The following TBK1 variants were observed in gnomAD, a reference collection of about 807,000 sequenced individuals.
The protein encoded by TBK1 is TANK binding kinase 1.
A neutral mutation model predicts 99.9 loss-of-function variants in TBK1; 37 were observed. The ratio of observed to expected loss-of-function variants is 0.37; its 90% CI spans 0.28 to 0.49. The LOEUF is 0.49. Ranked by LOEUF, TBK1 falls within the 20% of genes least tolerant of loss-of-function variation. The pLI is 0.98. For synonymous variants in TBK1, 258 were observed against 279.8 expected (o/e 0.92, Z 0.78); for missense variants, 644 against 872.5 (o/e 0.74, Z 3.30).
chr12:64,477,120 C>G (rs975081233), intron 6 of TBK1, among the ~76,000 whole-genome samples: 5 of 152,096 alleles, frequency 3.3e-5, no homozygotes, highest in African/African-American at 1.2e-4. Context: ...CAGCTTTGTT[C>G]TTTTTGCTTA....
chr12:64,477,432 G>A (rs2040725148), intron 6 of TBK1, among the ~76,000 whole-genome samples: 1 of 152,154 alleles, frequency 6.6e-6, no homozygotes, highest in African/African-American at 2.4e-5. Flanking sequence ...TGGTAAATGG[G>A]ATTGCGTTCT....
At position 64,498,052 on chromosome 12, in the gene TBK1, A is replaced by G; in HGVS notation, c.2138+13A>G. On this transcript the variant is annotated intron_variant, in intron 20 of 20. Coordinates refer to ENST00000331710, the MANE Select transcript of TBK1 (RefSeq NM_013254.4). ...ACATTTTAGAAAGGTGAGTAATGCA[A>G]AAATAATTACTGTGATTTTCTGTGC... 6.3e-7 allele frequency: 1 copy of G among 1,594,848 alleles called. No individual in the cohort carries two copies. The highest frequency in any genetic ancestry group is 8.5e-7 in the Non-Finnish European group (1 of 1,170,032).
chr12:64,499,034 A>ATTTT (rs1353026209), intron 20 of TBK1, among the ~76,000 whole-genome samples: 2 of 60,516 alleles, frequency 3.3e-5, no homozygotes, highest in Non-Finnish European at 3.2e-5. Context: ...TACTAATTTT[A>ATTTT]TTCTTTTTTT....
chr12:64,482,729 G>C (rs1464886736), intron 8 of TBK1, among the ~76,000 whole-genome samples: 1 of 152,208 alleles, frequency 6.6e-6, no homozygotes, highest in African/African-American at 2.4e-5. Context: ...GTAGCATGCT[G>C]TACAGGTTCG....
At chr12:64,499,693 C>CTTTTTTTTT (rs56725684) in intron 20 of TBK1, among the ~76,000 whole-genome samples, 12 of 82,926 alleles carry the variant, frequency 1.4e-4, no homozygotes, top group East Asian at 1.3e-3. Context: ...TAAAGATGTG[C>CTTTTTTTTT]TTTTTTTTTT....
At chr12:64,460,489 A>G (rs2040535947) in intron 3 of TBK1, among the ~76,000 whole-genome samples, 160 bp downstream of exon 3, 1 of 152,168 alleles carries the variant, frequency 6.6e-6, no homozygotes, top group African/African-American at 2.4e-5. Context: ...AACAATAGAA[A>G]TAAAATATCA....
At chr12:64,480,201 A>G (rs1006935050) in intron 7 of TBK1, 79 bp downstream of exon 7, 8 of 908,420 alleles carry the variant, frequency 8.8e-6, no homozygotes, top group Non-Finnish European at 1.2e-5. Flanking sequence ...CAGATACTCA[A>G]ATACTGAAGT....
At chr12:64,455,352 CA>C (rs1282104667) in intron 1 of TBK1, among the ~76,000 whole-genome samples, 1 of 151,964 alleles carries the variant, frequency 6.6e-6, no homozygotes, top group East Asian at 1.9e-4. Context: ...TACTAACTTA[CA>C]GGGAAAAAAT....
intron 13 of TBK1, among the ~76,000 whole-genome samples, chr12:64,493,912 A>G (rs78834145): frequency 0.04 from 6,091 of 152,274 alleles, 401 homozygotes; most frequent in African/African-American, 0.14. Context: ...ATTATAGTGT[A>G]GGCATTTCCC....
chr12:64,452,628 A>G (rs1041425766), intron 1 of TBK1: 6 of 152,164 alleles, frequency 3.9e-5, no homozygotes, highest in Non-Finnish European at 8.8e-5. Flanking sequence ...CACAACGGGC[A>G]GTTTTTAAAT....
intron 1 of TBK1, among the ~76,000 whole-genome samples, chr12:64,453,357 A>G (rs1257450564): frequency 6.6e-6 from 1 of 152,182 alleles, no homozygotes; most frequent in African/African-American, 2.4e-5. Flanking sequence ...TTACAGTTAC[A>G]TTGATTAGGG....
At chr12:64,499,541 T>G (rs1410831233) in intron 20 of TBK1, among the ~76,000 whole-genome samples, 2 of 152,152 alleles carry the variant, frequency 1.3e-5, no homozygotes, top group East Asian at 1.9e-4. Context: ...TTTTCATTTT[T>G]GGGGAGAGTT....
intron 2 of TBK1, among the ~76,000 whole-genome samples, chr12:64,456,441 C>T (rs1426472881): frequency 6.6e-6 from 1 of 152,096 alleles, no homozygotes; most frequent in African/African-American, 2.4e-5. Context: ...ATGAGATTCT[C>T]AACAAGGAGC....
At chr12:64,474,523 T>G (rs937150524) in intron 6 of TBK1, 133 bp downstream of exon 6, 1 of 900,806 alleles carries the variant, frequency 1.1e-6, no homozygotes, top group African/African-American at 1.7e-5. Context: ...AGCTACCTGG[T>G]TTTTAAAAAG....
chr12:64,482,209 A>C (rs2040774930), intron 8 of TBK1, among the ~76,000 whole-genome samples, 188 bp downstream of exon 8: 1 of 152,226 alleles, frequency 6.6e-6, no homozygotes, highest in Non-Finnish European at 1.5e-5. Context: ...TGATAATTCT[A>C]AAATTTATAG....
At position 64,491,416 on chromosome 12, in the gene TBK1, T is replaced by G. The variant is rs113235063; in HGVS notation, c.1521+1297T>G. Among the ~76,000 whole-genome samples the G allele has an allele frequency of 2.8e-3, 419 of 152,186 alleles. 1 individual carries two copies. Among genetic ancestry groups the G allele is most frequent in the African/African-American group, 9.7e-3 (404 of 41,530 alleles). On this transcript the variant is annotated intron_variant, in intron 13 of 20. Coordinates refer to ENST00000331710, the MANE Select transcript of TBK1 (RefSeq NM_013254.4). ...CGGATGGATCACTTGAGTCCAGGAA[T>G]TCAAGACCAGCCTGGGCAACATGAT... is the stretch of plus-strand genomic sequence containing the variant.
At chr12:64,470,397 C>G (rs1488792558) in intron 5 of TBK1, among the ~76,000 whole-genome samples, 1 of 151,970 alleles carries the variant, frequency 6.6e-6, no homozygotes, top group Admixed American at 6.6e-5. Context: ...GTGATATATG[C>G]TTGCAGCTAT....
rs2040481059 is a variant in TBK1 at position 64,455,824 on chromosome 12, T to A, written c.-31-16T>A. 2.7e-6 allele frequency: 4 copies of A among 1,487,724 alleles called. No homozygotes were observed. In the African/African-American group the frequency reaches 4.3e-5, roughly 16 times the overall value. The allele number at this position is 1,487,724 out of a possible 1,614,324, so 92.2% of individuals were successfully genotyped here. A position where few individuals can be genotyped will look rare whatever the true frequency, so the allele number is the denominator to read the frequency against. On this transcript the variant is annotated splice_polypyrimidine_tract_variant and intron_variant, in intron 1 of 20. Coordinates refer to ENST00000331710, the MANE Select transcript of TBK1 (RefSeq NM_013254.4). ...ACTCCCTTAAAACATAGTTGCAAAT[T>A]TTTTTTTTCTCTTAGTATAACAAGA...
intron 7 of TBK1, 99 bp downstream of exon 7, chr12:64,480,221 T>C: frequency 1.3e-6 from 1 of 759,360 alleles, no homozygotes; most frequent in East Asian, 2.8e-5. Flanking sequence ...TGTAGTTTGA[T>C]TTTATTTTAA....
Sources: allele counts gnomAD v4.1 joint callset (sites outside exome capture counted in the v4.1 genomes callset), GRCh38; gene constraint gnomAD v4.1.1; transcripts MANE v1.5; gene names NCBI Gene and HGNC (gene_info 2026-07-23, HGNC 2026-07-21).